ADAMTSL1: variants seen among roughly 807,000 people sequenced by gnomAD.
The protein encoded by ADAMTSL1 is ADAMTS like 1, also known as ADAMTS-like protein 1.
Under a neutral mutation model 201.8 loss-of-function variants are expected in ADAMTSL1, and 126 were observed. That is an observed-to-expected ratio of 0.62 (90% CI 0.54 to 0.72). ADAMTSL1 has a LOEUF of 0.72. Among genes scored for constraint, ADAMTSL1 ranks in the 30% least tolerant of loss-of-function variants. The probability of loss-of-function intolerance (pLI) is 0.00; values close to 1 mark genes in which losing one functional copy is unlikely to be tolerated. For synonymous variants in ADAMTSL1, 1,121 were observed against 903.4 expected (o/e 1.24, Z -4.32); for missense variants, 2,679 against 2,277.8 (o/e 1.18, Z -3.59).
rs1825872777 is a variant in ADAMTSL1, at chr9:17,910,155, G to C, written c.87+3233G>C. ...TACCTTCCACTTCCTCATCTGTTAA[G>C]TGAGGGTGTTGGCCCCTTTTTTCAC... On this transcript the variant is annotated intron_variant, in intron 1 of 29. Transcript: ENST00000680146. 3.0e-5 allele frequency among the ~76,000 whole-genome samples: 2 copies of C among 67,796 alleles called. 1 individual carries two copies. The highest frequency in any genetic ancestry group is 5.9e-5 in the African/African-American group (2 of 33,736). The allele number at this position is 67,796 out of a possible 152,430, so 44.5% of individuals were successfully genotyped here. A position where few individuals can be genotyped will look rare whatever the true frequency, so the allele number is the denominator to read the frequency against.
chr9:18,014,541 A>T (rs569799803), intron 1 of ADAMTSL1, among the ~76,000 whole-genome samples: 1 of 152,266 alleles, frequency 6.6e-6, no homozygotes, highest in East Asian at 1.9e-4. Context: ...CACCTTATGC[A>T]TTCAAAACTG....
intron 1 of ADAMTSL1, among the ~76,000 whole-genome samples, chr9:18,498,750 T>G (rs1237629364): frequency 6.6e-6 from 1 of 152,214 alleles, no homozygotes; most frequent in East Asian, 1.9e-4. Context: ...GTGCTCTTTC[T>G]CCTGCAGCAT....
intron 19 of ADAMTSL1, among the ~76,000 whole-genome samples, chr9:18,792,483 A>G (rs1220516563): frequency 6.6e-6 from 1 of 152,168 alleles, no homozygotes; most frequent in Non-Finnish European, 1.5e-5. Flanking sequence ...GGGACAAGGG[A>G]GATGTTTCCA....
At chr9:18,893,356 C>T (rs968103581) in intron 26 of ADAMTSL1, among the ~76,000 whole-genome samples, 4 of 152,130 alleles carry the variant, frequency 2.6e-5, no homozygotes, top group African/African-American at 4.8e-5. Flanking sequence ...CAAGGAGGGA[C>T]GTATGGTGCA....
intron 4 of ADAMTSL1, among the ~76,000 whole-genome samples, chr9:18,605,011 T>G (rs1341223482): frequency 6.6e-6 from 1 of 152,164 alleles, no homozygotes; most frequent in Non-Finnish European, 1.5e-5. Flanking sequence ...AAAGACATGC[T>G]CACTGTAGTG....
At chr9:18,596,558 A>G (rs1824276258) in intron 4 of ADAMTSL1, among the ~76,000 whole-genome samples, 1 of 152,166 alleles carries the variant, frequency 6.6e-6, no homozygotes, top group Non-Finnish European at 1.5e-5. Flanking sequence ...CACACCTGTA[A>G]GACACCGTGC....
At chr9:18,615,292 G>C (rs1196882598) in intron 4 of ADAMTSL1, among the ~76,000 whole-genome samples, 6 of 152,198 alleles carry the variant, frequency 3.9e-5, no homozygotes, top group Admixed American at 3.3e-4. Context: ...CAAACCATGA[G>C]AGAGGTATGT....
intron 3 of ADAMTSL1, among the ~76,000 whole-genome samples, chr9:18,563,063 C>T (rs1821634126): frequency 6.6e-6 from 1 of 152,190 alleles, no homozygotes; most frequent in Non-Finnish European, 1.5e-5. Context: ...CCCTTGCTGG[C>T]AAGGAGTTGT....
At chr9:18,154,406 T>C (rs1382601244) in intron 1 of ADAMTSL1, among the ~76,000 whole-genome samples, 4 of 152,062 alleles carry the variant, frequency 2.6e-5, no homozygotes, top group African/African-American at 7.2e-5. Flanking sequence ...GTCATATATC[T>C]GGTGGTTCCG....
rs74391521 is a variant in ADAMTSL1 at position 18,826,787 on chromosome 9, C to G, written c.4114+324C>G. On this transcript the variant is annotated intron_variant, in intron 22 of 28. Transcript: ENST00000380548. ...GAACAGGTATCTCAAACAGAGATAA[C>G]CTAATTAAAACAATTGTCCTTAACT... Among the ~76,000 whole-genome samples the G allele has an allele frequency of 2.9e-3, 440 of 152,288 alleles. 17 individuals carry two copies. The East Asian group carries it at 0.077, about 27-fold the overall frequency.
chr9:18,509,407 G>T (rs1286481590), intron 2 of ADAMTSL1, among the ~76,000 whole-genome samples: 2 of 152,048 alleles, frequency 1.3e-5, no homozygotes, highest in African/African-American at 4.8e-5. Flanking sequence ...AATTGGTGTA[G>T]CAATTATTCA....
intron 2 of ADAMTSL1, among the ~76,000 whole-genome samples, chr9:18,257,270 TC>T (rs1831724731): frequency 6.6e-6 from 1 of 152,246 alleles, no homozygotes; most frequent in Non-Finnish European, 1.5e-5. Flanking sequence ...ATCAAGAGTA[TC>T]TTGCTACAGA....
intron 1 of ADAMTSL1, among the ~76,000 whole-genome samples, chr9:18,493,354 T>C (rs1444606439): frequency 6.6e-6 from 1 of 152,246 alleles, no homozygotes; most frequent in Admixed American, 6.5e-5. Context: ...AAGTATTCTT[T>C]ACTTCTTTTT....
chr9:18,271,954 G>C (rs13294436), intron 2 of ADAMTSL1, among the ~76,000 whole-genome samples: 1 of 146,334 alleles, frequency 6.8e-6, no homozygotes, highest in Non-Finnish European at 1.5e-5. Flanking sequence ...TCATGTGTCT[G>C]TTGGCTGCAT....
At chr9:18,196,133 C>G (rs1001224869) in intron 2 of ADAMTSL1, among the ~76,000 whole-genome samples, 1 of 152,048 alleles carries the variant, frequency 6.6e-6, no homozygotes, top group African/African-American at 2.4e-5. Flanking sequence ...CATAGAGCTT[C>G]AGTTTGTGGT....
At chr9:18,599,959 T>A (rs1275414024) in intron 4 of ADAMTSL1, among the ~76,000 whole-genome samples, 11 of 132,832 alleles carry the variant, frequency 8.3e-5, no homozygotes, top group Non-Finnish European at 1.5e-4. Context: ...GAGATCATCC[T>A]GGCTAACATG....
intron 2 of ADAMTSL1, among the ~76,000 whole-genome samples, chr9:18,304,276 C>T (rs542736808): frequency 3.5e-4 from 53 of 152,028 alleles, no homozygotes; most frequent in African/African-American, 1.3e-3. Flanking sequence ...AGAGCTTGGC[C>T]CACTTCTTTC....
chr9:18,073,338 T>G (rs1402697141), intron 1 of ADAMTSL1, among the ~76,000 whole-genome samples: 1 of 152,180 alleles, frequency 6.6e-6, no homozygotes, highest in Non-Finnish European at 1.5e-5. Context: ...TCTCAACTAG[T>G]TTTGTGCTTT....
chr9:18,483,841 A>G (rs1821853400), intron 1 of ADAMTSL1, among the ~76,000 whole-genome samples: 1 of 152,174 alleles, frequency 6.6e-6, no homozygotes, highest in South Asian at 2.1e-4. Flanking sequence ...AAAAACAAAA[A>G]CAAAACAAAA....
Sources: allele counts gnomAD v4.1 joint callset (sites outside exome capture counted in the v4.1 genomes callset), GRCh38; gene constraint gnomAD v4.1.1; transcripts MANE v1.5; gene names NCBI Gene and HGNC (gene_info 2026-07-23, HGNC 2026-07-21).